NLGN4X: variants seen among roughly 807,000 people sequenced by gnomAD.
NLGN4X encodes neuroligin-4, X-linked.
A neutral mutation model predicts 40.3 loss-of-function variants in NLGN4X; 3 were observed. The ratio of observed to expected loss-of-function variants is 0.07; its 90% CI spans 0.03 to 0.19. NLGN4X has a LOEUF of 0.19. Ranked by LOEUF, NLGN4X falls within the 10% of genes least tolerant of loss-of-function variation. The pLI, the probability that NLGN4X is intolerant of heterozygous loss-of-function variation, is 1.00. For synonymous variants in NLGN4X, 270 were observed against 306.8 expected (o/e 0.88, Z 1.25); for missense variants, 382 against 708.3 (o/e 0.54, Z 5.23).
intron 5 of NLGN4X, among the ~76,000 whole-genome samples, chrX:5,898,029 CTTT>C (rs1219912598): frequency 3.0e-5 from 3 of 98,969 alleles, no homozygotes; most frequent in Non-Finnish European, 6.2e-5. Context: ...TCCCTTCCTT[CTTT>C]CTCTCTCCCT....
intron 2 of NLGN4X, among the ~76,000 whole-genome samples, chrX:6,105,992 G>C (rs771994619): frequency 1.5e-3 from 163 of 111,743 alleles, no homozygotes; most frequent in Non-Finnish European, 2.5e-3. Flanking sequence ...TTGGGAATGA[G>C]TATGCTTTTG....
chrX:5,898,696 G>A (rs770777172), intron 5 of NLGN4X, among the ~76,000 whole-genome samples: 1 of 111,801 alleles, frequency 8.9e-6, no homozygotes, highest in African/African-American at 3.2e-5. Context: ...AGCTATTCTT[G>A]TTTCCTCCTG....
At position 6,012,544 on chromosome X, in the gene NLGN4X, G is replaced by A. The variant is rs1194860203; in HGVS notation, c.625+16736C>T. Among the ~76,000 whole-genome samples, 6 of 111,702 alleles carry A rather than the reference G, an allele frequency of 5.4e-5. No homozygotes were observed. In the East Asian group the frequency reaches 1.7e-3, roughly 31 times the overall value. On this transcript the variant is annotated intron_variant, in intron 3 of 5. Transcript: ENST00000381095. ...ATATTGCAATAATGATGTGTTGGGT[G>A]GAGTGGGTTGCGTAATATCCTCCAA... is the stretch of plus-strand genomic sequence containing the variant.
At chrX:6,022,430 A>T (rs1358088769) in intron 3 of NLGN4X, among the ~76,000 whole-genome samples, 2 of 112,632 alleles carry the variant, frequency 1.8e-5, no homozygotes, top group Non-Finnish European at 3.7e-5. Context: ...ATTGTTAGAA[A>T]AAAAGAAATA....
chrX:6,196,141 C>G (rs1923024045), intron 1 of NLGN4X, among the ~76,000 whole-genome samples: 1 of 111,529 alleles, frequency 9.0e-6, no homozygotes, highest in Non-Finnish European at 1.9e-5. Flanking sequence ...TTTCTTGGTT[C>G]GCTTAGCTTT....
At chrX:6,004,555 G>A (rs2036055355) in intron 3 of NLGN4X, among the ~76,000 whole-genome samples, 1 of 111,928 alleles carries the variant, frequency 8.9e-6, no homozygotes, top group Non-Finnish European at 1.9e-5. Flanking sequence ...AAATGAAAAC[G>A]AAATGTTTCA....
intron 2 of NLGN4X, among the ~76,000 whole-genome samples, chrX:6,063,441 A>T (rs1024196577): frequency 8.9e-6 from 1 of 112,010 alleles, no homozygotes; most frequent in Non-Finnish European, 1.9e-5. Context: ...GCTATGATTA[A>T]ACACTGCACC....
chrX:6,106,342 C>T (rs2039033157), intron 2 of NLGN4X, among the ~76,000 whole-genome samples: 1 of 111,775 alleles, frequency 8.9e-6, no homozygotes, highest in South Asian at 3.7e-4. Flanking sequence ...ACCCCATTTA[C>T]AGAGTGGTTT....
intron 1 of NLGN4X, among the ~76,000 whole-genome samples, 173 bp from the exon 2 acceptor site, chrX:6,151,944 G>A (rs770802019): frequency 9.0e-6 from 1 of 111,176 alleles, no homozygotes; most frequent in South Asian, 3.9e-4. Flanking sequence ...AACATCACCT[G>A]TCTTTATTTA....
intron 1 of NLGN4X, among the ~76,000 whole-genome samples, chrX:6,154,048 G>C (rs1427967073): frequency 1.8e-5 from 2 of 112,208 alleles, no homozygotes; most frequent in Non-Finnish European, 3.8e-5. Context: ...CCCCATCTCA[G>C]TATAAATGAC....
chrX:5,925,917 TATATATATA>T (rs2033292519), intron 3 of NLGN4X, among the ~76,000 whole-genome samples: 2 of 59,165 alleles, frequency 3.4e-5, no homozygotes, highest in Non-Finnish European at 6.1e-5. Context: ...TATATATATA[TATATATATA>T]TATATAAACC....
intron 2 of NLGN4X, among the ~76,000 whole-genome samples, chrX:6,106,161 C>T (rs1295355330): frequency 8.9e-6 from 1 of 111,822 alleles, no homozygotes; most frequent in African/African-American, 3.3e-5. Context: ...AGAAAGAACA[C>T]AAATAGTCAT....
intron 2 of NLGN4X, among the ~76,000 whole-genome samples, chrX:6,033,544 T>C (rs1469144638): frequency 8.9e-6 from 1 of 112,218 alleles, no homozygotes; most frequent in Non-Finnish European, 1.9e-5. Context: ...AAATAGCTAT[T>C]AAATATCGTT....
Position 6,151,582 on chromosome X carries a change from GAGACTCTC to G in NLGN4X, c.-124_-117del. 2 of 600,275 alleles carry G rather than the reference GAGACTCTC, an allele frequency of 3.3e-6. No homozygotes were observed. Among genetic ancestry groups the G allele is most frequent in the Non-Finnish European group, 5.5e-6 (2 of 360,835 alleles). 49.5% of individuals were successfully genotyped at this position (600,275 alleles called of 1,213,427 possible). A position where few individuals can be genotyped will look rare whatever the true frequency, so the allele number is the denominator to read the frequency against. On this transcript the variant is annotated 5_prime_UTR_variant, in exon 2 of 6. Coordinates refer to ENST00000381095, the MANE Select transcript of NLGN4X (RefSeq NM_181332.3). The stretch of plus-strand genomic sequence containing the variant: ...TTTCCAGGGAGCAGTAGACCTGGGA[GAGACTCTC>G]AGACTGATCACAGACAGAGCCTGAG...
chrX:6,149,950 G>A lies in NLGN4X; in HGVS notation c.472+1045C>T, dbSNP rs182359653. On this transcript the variant is annotated intron_variant, in intron 2 of 5. Transcript: ENST00000381095. Reference sequence around the variant, plus strand: ...AATCTTACTGAAAAATGTTTTCCAGGGATTGAAGTTTAAAAAAAAAAAAAA... The same window carrying A: ...AATCTTACTGAAAAATGTTTTCCAGAGATTGAAGTTTAAAAAAAAAAAAAA... 2.5e-3 allele frequency among the ~76,000 whole-genome samples: 262 copies of A among 106,863 alleles called. 3 individuals carry two copies. Among genetic ancestry groups the A allele is most frequent in the African/African-American group, 8.7e-3 (252 of 29,110 alleles). The allele number at this position is 106,863 out of a possible 115,157, so 92.8% of individuals were successfully genotyped here.
At position 6,151,390 on chromosome X, in the gene NLGN4X, A is replaced by G. The variant is rs1324541497; in HGVS notation, c.77T>C (p.Leu26Pro). ...GATGGCAAGAGCAGTTAACCACAGG[A>G]GGACATTGGAGTTTAACATGACGCA... ...PVCVMLNSNV[L>P]LWLTALAIKF... is the part of the protein sequence containing the mutation. The change falls in exon 2 of 6, where the codon CTC becomes CCC. Residue 26 changes from leucine to proline, a missense_variant. By Grantham distance (98) the Leu-to-Pro change is moderately conservative. Around this residue, in one of 5 missense-constraint regions of NLGN4X, gnomAD observed 115 missense variants for 149.6 expected, o/e 0.77. Coordinates refer to ENST00000381095, the MANE Select transcript of NLGN4X (RefSeq NM_181332.3). 1.7e-6 allele frequency: 2 copies of G among 1,211,606 alleles called. No homozygotes were observed. The highest frequency in any genetic ancestry group is 4.3e-5 in the Admixed American group (2 of 46,047).
chrX:5,948,264 A>G (rs5961895), intron 3 of NLGN4X, among the ~76,000 whole-genome samples: 5,315 of 112,229 alleles, frequency 0.047, 322 homozygotes, highest in African/African-American at 0.16. Flanking sequence ...CATGGGATAC[A>G]ATAGAAAATA....
At chrX:6,178,316 T>C (rs1921032961) in intron 1 of NLGN4X, among the ~76,000 whole-genome samples, 2 of 112,029 alleles carry the variant, frequency 1.8e-5, no homozygotes, top group African/African-American at 6.5e-5. Context: ...TGCCATCGTG[T>C]TCACCCACCG....
At chrX:6,012,805 T>C (rs932501509) in intron 3 of NLGN4X, among the ~76,000 whole-genome samples, 2 of 111,088 alleles carry the variant, frequency 1.8e-5, no homozygotes, top group Non-Finnish European at 3.8e-5. Context: ...CAAGGAAGGA[T>C]CTTTTTCTGG....
Sources: allele counts gnomAD v4.1 joint callset (sites outside exome capture counted in the v4.1 genomes callset), GRCh38; gene constraint gnomAD v4.1.1; regional missense constraint gnomAD v4.1.1; transcripts MANE v1.5; gene names NCBI Gene and HGNC (gene_info 2026-07-23, HGNC 2026-07-21).